Variants in SBF2 observed in about 807,000 individuals in gnomAD.
SBF2 encodes the protein myotubularin-related protein 13.
A neutral mutation model predicts 225.2 loss-of-function variants in SBF2; 112 were observed. The ratio of observed to expected loss-of-function variants is 0.50; its 90% confidence interval spans 0.43 to 0.58. The LOEUF (loss-of-function observed/expected upper bound fraction) is 0.58. SBF2 is among the 20% of genes least tolerant of loss of function. SBF2 has a pLI of 0.00. For synonymous variants in SBF2, 763 were observed against 773.3 expected, an observed-to-expected ratio of 0.99 and a Z score of 0.22; for missense variants, 1,996 against 2,206.2, an observed-to-expected ratio of 0.90 and a Z score of 1.91.
At chr11:10,117,384 T>G (rs1432084893) in intron 2 of SBF2, among the ~76,000 whole-genome samples, 1 of 135,884 alleles carries the variant, frequency 7.4e-6, no homozygotes, top group Non-Finnish European at 1.5e-5. Context: ...GGGGTTGCAG[T>G]GAGTCAAGAT....
chr11:10,064,713 A>C (rs7936409), intron 2 of SBF2, among the ~76,000 whole-genome samples: 26,144 of 152,184 alleles, frequency 0.17, 2,439 homozygotes, highest in East Asian at 0.28. Context: ...ATATGGGCCA[A>C]TTAATCAAGA....
At chr11:9,925,966 C>A (rs113697806) in intron 16 of SBF2, among the ~76,000 whole-genome samples, 1 of 151,616 alleles carries the variant, frequency 6.6e-6, no homozygotes, top group East Asian at 1.9e-4. Context: ...AACGTGATAA[C>A]GTTTTCCATG....
intron 1 of SBF2, among the ~76,000 whole-genome samples, chr11:10,265,970 T>G (rs1167191698): frequency 1.3e-5 from 2 of 152,228 alleles, no homozygotes; most frequent in Non-Finnish European, 2.9e-5. Flanking sequence ...TCCTCTCACC[T>G]TGGTCTCCCA....
intron 1 of SBF2, among the ~76,000 whole-genome samples, chr11:10,286,319 T>C (rs1963779609): frequency 6.6e-6 from 1 of 151,298 alleles, no homozygotes; most frequent in African/African-American, 2.4e-5. Flanking sequence ...AAATTATATC[T>C]CAATAAAGCT....
intron 1 of SBF2, among the ~76,000 whole-genome samples, chr11:10,270,666 T>A (rs1962395400): frequency 6.6e-6 from 1 of 152,168 alleles, no homozygotes; most frequent in African/African-American, 2.4e-5. Flanking sequence ...ACACAGCTTA[T>A]ATAAATGGAT....
At chr11:9,799,158 A>C (rs573836923) in intron 32 of SBF2, among the ~76,000 whole-genome samples, 1 of 152,276 alleles carries the variant, frequency 6.6e-6, no homozygotes, top group East Asian at 1.9e-4. Context: ...ATATGATCTT[A>C]AGTTGAACTT....
chr11:10,270,249 T>C (rs1256418524), intron 1 of SBF2, among the ~76,000 whole-genome samples: 1 of 152,096 alleles, frequency 6.6e-6, no homozygotes, highest in Admixed American at 6.6e-5. Context: ...ACATATAACT[T>C]ATGACTCCCC....
At chr11:10,106,170 C>T (rs921920833) in intron 2 of SBF2, among the ~76,000 whole-genome samples, 2 of 152,130 alleles carry the variant, frequency 1.3e-5, no homozygotes, top group Non-Finnish European at 2.9e-5. Flanking sequence ...AGTTTTTGAA[C>T]CCTTACCCCA....
At chr11:10,073,529 A>C (rs568059669) in intron 2 of SBF2, among the ~76,000 whole-genome samples, 1 of 152,126 alleles carries the variant, frequency 6.6e-6, no homozygotes, top group Non-Finnish European at 1.5e-5. Context: ...CCTGGCCTAC[A>C]TGGCGAAACA....
rs568181159 is a variant in SBF2 at position 10,053,236 on chromosome 11, T to A, written c.142-10255A>T. Among the ~76,000 whole-genome samples the A allele has an allele frequency of 2.6e-5, 4 of 152,316 alleles. No individual in the cohort carries two copies. The East Asian group carries it at 7.7e-4, about 29-fold the overall frequency. ...TAAGATGTTTATAATTTTTTATAAT[T>A]AATGCTGAAATAAGCATAGTACTAT... is the stretch of plus-strand genomic sequence containing the variant. On this transcript the variant is annotated intron_variant, in intron 2 of 39. Coordinates refer to ENST00000256190, the MANE Select transcript of SBF2 (RefSeq NM_030962.4).
chr11:10,272,958 T>A (rs1341430142), intron 1 of SBF2, among the ~76,000 whole-genome samples: 4 of 151,764 alleles, frequency 2.6e-5, no homozygotes, highest in African/African-American at 7.3e-5. Flanking sequence ...TAATCCTAGC[T>A]ACTGTGGAGG....
chr11:10,028,406 C>T (rs1217162631), intron 6 of SBF2, 46 bp downstream of exon 6: 1 of 1,179,248 alleles, frequency 8.5e-7, no homozygotes, highest in Admixed American at 1.7e-5. Context: ...ATCCTTTAAT[C>T]ATAGGCTTCT....
intron 1 of SBF2, among the ~76,000 whole-genome samples, chr11:10,245,451 A>G (rs10743132): frequency 0.29 from 44,659 of 151,984 alleles, 6,999 homozygotes; most frequent in Non-Finnish European, 0.36. Flanking sequence ...AAAATGAGAT[A>G]TCACCTTATG....
At chr11:10,245,891 C>G (rs1209426297) in intron 1 of SBF2, among the ~76,000 whole-genome samples, 1 of 152,134 alleles carries the variant, frequency 6.6e-6, no homozygotes, top group African/African-American at 2.4e-5. Flanking sequence ...AAGTCAGACC[C>G]AGAAGGACAA....
At chr11:9,973,187 G>C (rs1007065388) in intron 13 of SBF2, among the ~76,000 whole-genome samples, 2 of 152,176 alleles carry the variant, frequency 1.3e-5, no homozygotes, top group African/African-American at 4.8e-5. Context: ...GTTTAGGGTA[G>C]GGCTCACTGT....
intron 2 of SBF2, among the ~76,000 whole-genome samples, chr11:10,119,048 T>C (rs961323781): frequency 6.6e-6 from 1 of 152,090 alleles, no homozygotes; most frequent in African/African-American, 2.4e-5. Context: ...AGTAGATATT[T>C]TGCAATTCTC....
chr11:9,792,352 A>C (rs1043658645), intron 33 of SBF2, among the ~76,000 whole-genome samples: 1 of 151,154 alleles, frequency 6.6e-6, no homozygotes, highest in Non-Finnish European at 1.5e-5. Context: ...AATCACTTGA[A>C]CCCAGGAGGT....
chr11:10,107,847 C>G (rs1952618545), intron 2 of SBF2, among the ~76,000 whole-genome samples: 1 of 152,084 alleles, frequency 6.6e-6, no homozygotes, highest in Non-Finnish European at 1.5e-5. Context: ...AATAAGGTAC[C>G]ATTCACAGGT....
At chr11:9,829,686 T>C in intron 27 of SBF2, 190 bp from the exon 28 acceptor site, 1 of 570,002 alleles carries the variant, frequency 1.8e-6, no homozygotes, top group Non-Finnish European at 3.1e-6. Context: ...TCCTCCACTG[T>C]AATGCTGGTT....
Sources: gnomAD v4.1 joint callset for allele counts (sites outside exome capture counted in the v4.1 genomes callset) on GRCh38, gnomAD v4.1.1 for gene constraint, MANE v1.5 for transcripts, NCBI Gene and HGNC (gene_info 2026-07-23, HGNC 2026-07-21) for gene names.